DISP1: variants seen among roughly 807,000 people sequenced by gnomAD.
DISP1 encodes the protein protein dispatched homolog 1.
DISP1 carries 30 observed loss-of-function variants against 37.3 expected under a neutral mutation model. The observed-to-expected ratio is 0.80, with a 90% confidence interval of 0.60 to 1.09. DISP1 has a LOEUF of 1.09. Among genes scored for constraint, DISP1 ranks in the 50% least tolerant of loss-of-function variants. DISP1 has a pLI of 0.00. For missense variants in DISP1, 1,598 were observed against 1,879.5 expected (o/e 0.85, Z 2.77); for synonymous variants, 634 against 690.2 (o/e 0.92, Z 1.28).
intron 3 of DISP1, among the ~76,000 whole-genome samples, chr1:222,948,507 T>G (rs1674959298): frequency 6.6e-6 from 1 of 152,232 alleles, no homozygotes; most frequent in Admixed American, 6.5e-5. Flanking sequence ...TGTACCATGC[T>G]TTACTGCCTT....
At chr1:222,932,899 A>G (rs1461468311) in intron 2 of DISP1, among the ~76,000 whole-genome samples, 1 of 152,022 alleles carries the variant, frequency 6.6e-6, no homozygotes, top group African/African-American at 2.4e-5. Context: ...AATGAAGGAT[A>G]TCACTGATAT....
At chr1:222,815,668 A>G (rs1661028207) in intron 1 of DISP1, among the ~76,000 whole-genome samples, 1 of 151,378 alleles carries the variant, frequency 6.6e-6, no homozygotes, top group Non-Finnish European at 1.5e-5. Flanking sequence ...AAAATATTGT[A>G]TATTCCTAGG....
intron 3 of DISP1, chr1:222,943,567 A>C: frequency 1.7e-6 from 1 of 597,370 alleles, no homozygotes; most frequent in Non-Finnish European, 2.9e-6. Context: ...CCTGTCTGCA[A>C]ACTGGTTAGG....
At chr1:222,904,266 G>A (rs1410714967) in intron 1 of DISP1, among the ~76,000 whole-genome samples, 2 of 152,118 alleles carry the variant, frequency 1.3e-5, no homozygotes, top group Non-Finnish European at 2.9e-5. Context: ...TTACTTATTA[G>A]TAGAAAATAT....
chr1:222,869,764 A>T (rs1010829660), intron 1 of DISP1, among the ~76,000 whole-genome samples: 1 of 152,172 alleles, frequency 6.6e-6, no homozygotes, highest in South Asian at 2.1e-4. Context: ...TAAAGAATTC[A>T]TGAAGAATTC....
At chr1:222,917,207 A>G (rs1214737331) in intron 1 of DISP1, among the ~76,000 whole-genome samples, 1 of 150,906 alleles carries the variant, frequency 6.6e-6, no homozygotes, top group Non-Finnish European at 1.5e-5. Flanking sequence ...TCTTTAAAAC[A>G]GTTTCTTTTA....
rs1256042911 is a variant in DISP1 at position 223,003,611 on chromosome 1, A to G, written c.2214A>G (p.Ile738Met). The change falls in exon 9 of 9, where the codon ATA becomes ATG. Residue 738 changes from isoleucine (I) to methionine (M), a missense_variant. By Grantham distance (10) the Ile-to-Met change is conservative. Coordinates refer to ENST00000675850, the MANE Select transcript of DISP1 (RefSeq NM_001377229.1). The surrounding 1 kb of genome is among the most constrained non-coding windows in gnomAD (Gnocchi z 4.3). Reference sequence around the variant, plus strand: ...TAGGTGGGGCCTACATTGTATGTATAAATCCAAAGATGAAACTGCCCTCAC... The same window carrying G: ...TAGGTGGGGCCTACATTGTATGTATGAATCCAAAGATGAAACTGCCCTCAC... ...LTVGGAYIVC[I>M]NPKMKLPSLE... 1 of 1,614,196 alleles carries G rather than the reference A, an allele frequency of 6.2e-7. No individual in the cohort carries two copies. The highest frequency in any genetic ancestry group is 1.1e-5 in the South Asian group (1 of 91,084).
At chr1:222,918,547 C>T (rs569212294) in intron 1 of DISP1, among the ~76,000 whole-genome samples, 20 of 152,030 alleles carry the variant, frequency 1.3e-4, no homozygotes, top group Admixed American at 4.6e-4. Context: ...ATGAGGGAAT[C>T]GAGGGATTTG....
intron 1 of DISP1, among the ~76,000 whole-genome samples, chr1:222,830,227 C>T (rs1665399794): frequency 6.6e-6 from 1 of 152,086 alleles, no homozygotes; most frequent in Non-Finnish European, 1.5e-5. Flanking sequence ...TCAAAGGACT[C>T]TTTGAAAGTA....
intron 1 of DISP1, among the ~76,000 whole-genome samples, chr1:222,859,070 T>A (rs1253411318): frequency 6.6e-6 from 1 of 152,106 alleles, no homozygotes; most frequent in Admixed American, 6.6e-5. Context: ...AGCAAAGACA[T>A]GGAATCAACC....
At chr1:222,978,935 A>T (rs1410266726) in intron 3 of DISP1, among the ~76,000 whole-genome samples, 2 of 152,224 alleles carry the variant, frequency 1.3e-5, no homozygotes, top group Non-Finnish European at 2.9e-5. Context: ...CTTGTAGTAT[A>T]GTTTGAAGTC....
intron 1 of DISP1, among the ~76,000 whole-genome samples, chr1:222,888,172 A>C (rs1428880989): frequency 6.6e-6 from 1 of 152,240 alleles, no homozygotes; most frequent in Non-Finnish European, 1.5e-5. Context: ...AAATATCACA[A>C]CATAGTCCTA....
At chr1:222,847,754 TA>T in intron 1 of DISP1, among the ~76,000 whole-genome samples, 1 of 152,198 alleles carries the variant, frequency 6.6e-6, no homozygotes, top group Admixed American at 6.5e-5. Flanking sequence ...GGGAGAAGGA[TA>T]AAAGGGAAGG....
intron 3 of DISP1, among the ~76,000 whole-genome samples, chr1:222,977,534 C>T (rs200793399): frequency 3.8e-5 from 5 of 132,318 alleles, no homozygotes; most frequent in South Asian, 2.4e-4. Context: ...TTTTTAAATT[C>T]TTTTTTTTTT....
At chr1:222,892,439 G>T (rs1670992771) in intron 1 of DISP1, among the ~76,000 whole-genome samples, 1 of 152,144 alleles carries the variant, frequency 6.6e-6, no homozygotes, top group Non-Finnish European at 1.5e-5. Context: ...AGTATATTTT[G>T]TATATGATTC....
intron 2 of DISP1, among the ~76,000 whole-genome samples, chr1:222,939,896 C>T (rs1361177474): frequency 5.3e-5 from 8 of 151,400 alleles, no homozygotes; most frequent in Non-Finnish European, 7.4e-5. Context: ...GAGGCTGAGG[C>T]GGGCGGATCA....
chr1:223,005,717 G>A lies in DISP1; in HGVS notation c.4320G>A (p.Glu1440=). The A allele has an allele frequency of 6.2e-7, 1 of 1,614,162 alleles. No homozygotes were observed. The highest frequency in any genetic ancestry group is 8.5e-7 in the Non-Finnish European group (1 of 1,180,030). ...GTENKAGGKV[E]LSLSQTDASV... ...AAAACAAGGCAGGAGGGAAAGTGGA[G>A]CTGAGCTTGTCACAGACGGATGCAA... The change falls in exon 9 of 9, where the codon GAG becomes GAA. Residue 1440 remains glutamate, a synonymous_variant. Coordinates refer to ENST00000675850, the MANE Select transcript of DISP1 (RefSeq NM_001377229.1).
In DISP1 at chr1:223,005,746, T is replaced by G. The variant is rs1290329622; in HGVS notation, c.4349T>G (p.Val1450Gly). ...AGCTTGTCACAGACGGATGCAAGTG[T>G]GAACTCAGAACATTTCAATCAGAAT... ...ELSLSQTDAS[V>G]NSEHFNQNEP... is the part of the protein sequence containing the mutation. The change falls in exon 9 of 9, where the codon GTG becomes GGG. Residue 1450 changes from valine to glycine, a missense_variant. Val to Gly is a moderately radical substitution (Grantham distance 109, BLOSUM62 -3). Transcript: ENST00000675850. 3 of 1,613,840 alleles carry G rather than the reference T, an allele frequency of 1.9e-6. No individual in the cohort carries two copies. The highest frequency in any genetic ancestry group is 2.5e-6 in the Non-Finnish European group (3 of 1,180,022).
At chr1:222,922,427 A>G (rs925766538) in intron 1 of DISP1, among the ~76,000 whole-genome samples, 78 of 152,176 alleles carry the variant, frequency 5.1e-4, no homozygotes, top group African/African-American at 1.7e-3. Flanking sequence ...AAGGATGGGT[A>G]TATGTGACAA....
Sources: allele counts gnomAD v4.1 joint callset (sites outside exome capture counted in the v4.1 genomes callset), GRCh38; gene constraint gnomAD v4.1.1; non-coding constraint Gnocchi (gnomAD v3.1); transcripts MANE v1.5; gene names NCBI Gene and HGNC (gene_info 2026-07-23, HGNC 2026-07-21).